The following NWD2 variants were observed in gnomAD, a reference collection of about 807,000 sequenced individuals.
The protein encoded by NWD2 is NACHT and WD repeat domain containing 2.
Under a neutral mutation model 132.7 loss-of-function variants are expected in NWD2, and 37 were observed. The ratio of observed to expected loss-of-function variants is 0.28; its 90% CI spans 0.21 to 0.37. The LOEUF (loss-of-function observed/expected upper bound fraction) is 0.37, where lower values mean the gene tolerates loss of function less well. Among genes scored for constraint, NWD2 ranks in the 10% least tolerant of loss-of-function variants. NWD2 has a pLI of 1.00. For synonymous variants in NWD2, 705 were observed against 803.0 expected (o/e 0.88, Z 2.06); for missense variants, 1,592 against 2,122.4 (o/e 0.75, Z 4.91).
intron 3 of NWD2, among the ~76,000 whole-genome samples, chr4:37,420,919 C>T (rs1483682673): frequency 1.3e-5 from 2 of 152,026 alleles, no homozygotes; most frequent in Non-Finnish European, 2.9e-5. Context: ...GACTACTATT[C>T]CAGCCAGCTT....
intron 3 of NWD2, among the ~76,000 whole-genome samples, chr4:37,410,537 A>G (rs947180554): frequency 2.6e-5 from 4 of 152,212 alleles, no homozygotes; most frequent in Non-Finnish European, 4.4e-5. Context: ...TTAGACTCCC[A>G]CACAATAATA....
chr4:37,386,776 C>T lies in NWD2; in HGVS notation c.357+30294C>T, dbSNP rs1464296299. Among the ~76,000 whole-genome samples, 6 of 151,924 alleles carry T rather than the reference C, an allele frequency of 3.9e-5. 2 individuals are homozygous for T. Among genetic ancestry groups the T allele is most frequent in the African/African-American group, 1.5e-4 (6 of 41,222 alleles). On this transcript the variant is annotated intron_variant, in intron 3 of 6. Transcript: ENST00000309447. The stretch of plus-strand genomic sequence containing the variant: ...AGTGGGAGGTGTTCATGGGGTGGGT[C>T]TCTCATGAATGAGTTGGTACCATTC...
intron 1 of NWD2, among the ~76,000 whole-genome samples, chr4:37,293,892 A>AG (rs1303962933): frequency 6.6e-6 from 1 of 152,070 alleles, no homozygotes; most frequent in East Asian, 1.9e-4. Flanking sequence ...ATTTAAAAAA[A>AG]AAAAAAAAAG....
At chr4:37,339,422 C>T (rs751406551) in intron 2 of NWD2, among the ~76,000 whole-genome samples, 11 of 152,174 alleles carry the variant, frequency 7.2e-5, no homozygotes, top group Non-Finnish European at 1.3e-4. Flanking sequence ...CTACCTATTG[C>T]TTCTCCTAAA....
At chr4:37,267,052 C>T (rs908853665) in intron 1 of NWD2, among the ~76,000 whole-genome samples, 2 of 151,774 alleles carry the variant, frequency 1.3e-5, no homozygotes, top group East Asian at 1.9e-4. Flanking sequence ...AGAAAAAGGA[C>T]ATATAGCAAA....
intron 1 of NWD2, among the ~76,000 whole-genome samples, chr4:37,265,308 A>G (rs1312741326): frequency 6.6e-6 from 1 of 152,114 alleles, no homozygotes; most frequent in Non-Finnish European, 1.5e-5. Context: ...GAGACATGGG[A>G]TTGACATTCA....
At chr4:37,261,620 A>G (rs1006965283) in intron 1 of NWD2, among the ~76,000 whole-genome samples, 9 of 152,244 alleles carry the variant, frequency 5.9e-5, no homozygotes, top group Admixed American at 5.9e-4. Flanking sequence ...TTAAATAACT[A>G]TGTTTACATA....
intron 2 of NWD2, among the ~76,000 whole-genome samples, chr4:37,335,867 A>T (rs764177511): frequency 1.3e-3 from 195 of 148,522 alleles, no homozygotes; most frequent in Non-Finnish European, 2.4e-3. Flanking sequence ...CTCATACTAG[A>T]TCCATAATAA....
intron 1 of NWD2, among the ~76,000 whole-genome samples, chr4:37,296,861 A>G (rs1718506861): frequency 6.6e-6 from 1 of 152,154 alleles, no homozygotes; most frequent in Non-Finnish European, 1.5e-5. Flanking sequence ...TAACAAAGAA[A>G]ATGTGATCAA....
chr4:37,298,166 G>C (rs1419658152), intron 1 of NWD2, among the ~76,000 whole-genome samples: 3 of 152,080 alleles, frequency 2.0e-5, no homozygotes, highest in Non-Finnish European at 4.4e-5. Context: ...TTCATGATTG[G>C]TTATATTAAT....
chr4:37,300,089 A>G (rs1718582191), intron 1 of NWD2, among the ~76,000 whole-genome samples: 1 of 152,090 alleles, frequency 6.6e-6, no homozygotes, highest in African/African-American at 2.4e-5. Context: ...AGTTTTATTT[A>G]TATGTCAAGT....
At chr4:37,388,206 A>G (rs953955904) in intron 3 of NWD2, among the ~76,000 whole-genome samples, 1 of 151,790 alleles carries the variant, frequency 6.6e-6, no homozygotes, top group Non-Finnish European at 1.5e-5. Flanking sequence ...TTGTTTTTTT[A>G]AGACAGAGTC....
intron 3 of NWD2, among the ~76,000 whole-genome samples, chr4:37,403,206 G>A (rs529032123): frequency 2.0e-5 from 3 of 152,330 alleles, no homozygotes; most frequent in Admixed American, 1.3e-4. Flanking sequence ...GCAGTGATGA[G>A]CGAGACAGAC....
intron 1 of NWD2, among the ~76,000 whole-genome samples, chr4:37,273,930 AGT>A (rs1313743176): frequency 2.0e-5 from 3 of 152,146 alleles, no homozygotes; most frequent in Non-Finnish European, 4.4e-5. Context: ...CATTTAAAGC[AGT>A]GTGTAGAGGG....
intron 3 of NWD2, among the ~76,000 whole-genome samples, chr4:37,386,385 A>G (rs957674951): frequency 5.9e-5 from 9 of 152,116 alleles, no homozygotes; most frequent in Non-Finnish European, 1.2e-4. Flanking sequence ...GTGGTTTCTG[A>G]ACTTTCTGGC....
chr4:37,387,974 G>T (rs948072655), intron 3 of NWD2, among the ~76,000 whole-genome samples: 4 of 151,382 alleles, frequency 2.6e-5, no homozygotes, highest in Non-Finnish European at 5.9e-5. Flanking sequence ...AATGATTTGT[G>T]CCAGGTTCAA....
chr4:37,282,442 G>A (rs1296110481), intron 1 of NWD2, among the ~76,000 whole-genome samples: 1 of 152,060 alleles, frequency 6.6e-6, no homozygotes, highest in Non-Finnish European at 1.5e-5. Context: ...TACTATTTTT[G>A]CACAGTAAAT....
intron 1 of NWD2, among the ~76,000 whole-genome samples, chr4:37,281,006 C>T (rs987601425): frequency 1.4e-5 from 2 of 145,126 alleles, no homozygotes; most frequent in Non-Finnish European, 3.1e-5. Flanking sequence ...GATTAGCCTC[C>T]TGGCTGTGGG....
chr4:37,286,651 G>C (rs1484508571), intron 1 of NWD2, among the ~76,000 whole-genome samples: 1 of 152,172 alleles, frequency 6.6e-6, no homozygotes, highest in East Asian at 1.9e-4. Flanking sequence ...GTGCACTTGA[G>C]CAAGTTACTT....
Sources: gnomAD v4.1 joint callset for allele counts (sites outside exome capture counted in the v4.1 genomes callset) on GRCh38, gnomAD v4.1.1 for gene constraint, MANE v1.5 for transcripts, NCBI Gene and HGNC (gene_info 2026-07-23, HGNC 2026-07-21) for gene names.